The following NCOR2 variants were observed in gnomAD, a reference collection of about 807,000 sequenced individuals.
NCOR2 encodes CTG repeat protein 26.
Under a neutral mutation model 262.9 loss-of-function variants are expected in NCOR2, and 81 were observed. The ratio of observed to expected loss-of-function variants is 0.31; its 90% CI spans 0.26 to 0.37. NCOR2 has a LOEUF of 0.37. Ranked by LOEUF, NCOR2 falls within the 10% of genes least tolerant of loss-of-function variation. The pLI is 1.00. For missense variants in NCOR2, 3,385 were observed against 3,621.4 expected (o/e 0.93, Z 1.68); for synonymous variants, 1,659 against 1,559.3 (o/e 1.06, Z -1.51).
intron 27 of NCOR2, among the ~76,000 whole-genome samples, chr12:124,352,184 G>C (rs1000829000): frequency 6.6e-6 from 1 of 152,180 alleles, no homozygotes; most frequent in African/African-American, 2.4e-5. Flanking sequence ...GGAAAGCACA[G>C]GATTCCTGCA....
At position 124,343,230 on chromosome 12, in the gene NCOR2, T is replaced by C; in HGVS notation, c.4715-4A>G. ...GCCTTGCTGGACGAAAGGCTGCCTG[T>C]GGACGGGCAAGGTGGATGCATCGGG... On this transcript the variant is annotated splice_region_variant and splice_polypyrimidine_tract_variant and intron_variant, in intron 32 of 46. Transcript: ENST00000405201. 6.2e-7 allele frequency: 1 copy of C among 1,607,694 alleles called. No individual in the cohort carries two copies. The highest frequency in any genetic ancestry group is 8.5e-7 in the Non-Finnish European group (1 of 1,176,272).
chr12:124,417,059 C>CTTACTCCACGGAGAGCAGGCCGGACAG, intron 13 of NCOR2, among the ~76,000 whole-genome samples: 1 of 53,928 alleles, frequency 1.9e-5, no homozygotes, highest in African/African-American at 4.3e-5. Context: ...AAGCCGGACA[C>CTTACTCCACGGAGAGCAGGCCGGACAG]TCACTCCACG....
At chr12:124,387,181 C>T (rs1440936801) in intron 16 of NCOR2, among the ~76,000 whole-genome samples, 1 of 152,228 alleles carries the variant, frequency 6.6e-6, no homozygotes, top group Non-Finnish European at 1.5e-5. Flanking sequence ...GAGGGGCAGC[C>T]GTCTGTGTTG....
Position 124,504,831 on chromosome 12 carries a change from C to T in NCOR2, c.-117-9463G>A, listed in dbSNP as rs1419390393. Among the ~76,000 whole-genome samples, 3 of 152,118 alleles carry T rather than the reference C, an allele frequency of 2.0e-5. No homozygotes were observed. The highest frequency in any genetic ancestry group is 4.4e-5 in the Non-Finnish European group (3 of 68,032). On this transcript the variant is annotated intron_variant, in intron 1 of 46. Coordinates refer to the NCOR2 transcript ENST00000404621. The surrounding 1 kb of genome is among the most constrained non-coding windows in gnomAD (Gnocchi z 4.5). ...TTAACTTCACAGGAGGGGCAGATTC[C>T]CAGGACAGAACAAAGGCCCGAGGCT...
chr12:124,346,480 C>T, intron 31 of NCOR2, 84 bp downstream of exon 33: 1 of 1,355,692 alleles, frequency 7.4e-7, no homozygotes. Flanking sequence ...TCGGTTTCCC[C>T]ATGTGGAGAG....
chr12:124,361,450 T>A (rs187965181), intron 22 of NCOR2, among the ~76,000 whole-genome samples: 19 of 152,302 alleles, frequency 1.2e-4, no homozygotes, highest in African/African-American at 4.3e-4. Context: ...GGGCAGAGAT[T>A]GAAGATCCAG....
chr12:124,433,906 A>ACACACG (rs1565940641), intron 8 of NCOR2, among the ~76,000 whole-genome samples: 3 of 145,100 alleles, frequency 2.1e-5, no homozygotes, highest in Admixed American at 1.3e-4. Context: ...ACACGCACAC[A>ACACACG]CACACACAGG....
At chr12:124,338,539 A>G (rs1003545762) in intron 37 of NCOR2, among the ~76,000 whole-genome samples, 3 of 148,604 alleles carry the variant, frequency 2.0e-5, no homozygotes, top group Non-Finnish European at 4.4e-5. Flanking sequence ...CCGGGCAGGG[A>G]AGGGTGTTGA....
chr12:124,498,699 C>G (rs1293430011), upstream of NCOR2, among the ~76,000 whole-genome samples: 5 of 152,228 alleles, frequency 3.3e-5, no homozygotes, highest in Non-Finnish European at 5.9e-5. Flanking sequence ...AACAGGGACT[C>G]AAACAAAACA....
intron 1 of NCOR2, among the ~76,000 whole-genome samples, chr12:124,507,665 C>G (rs2049125360): frequency 6.6e-6 from 1 of 152,280 alleles, no homozygotes; most frequent in African/African-American, 2.4e-5. Context: ...GCCTCCAACC[C>G]AGGTGGCCTC....
chr12:124,526,561 T>C (rs1469142705), intron 1 of NCOR2, among the ~76,000 whole-genome samples: 1 of 152,136 alleles, frequency 6.6e-6, no homozygotes, highest in African/African-American at 2.4e-5. Context: ...AGGACAAGAC[T>C]GCCCCCAGCC....
chr12:124,561,533 C>T (rs961104891), intron 1 of NCOR2, among the ~76,000 whole-genome samples: 1 of 152,026 alleles, frequency 6.6e-6, no homozygotes, highest in Non-Finnish European at 1.5e-5. Flanking sequence ...TATTGGACAG[C>T]GCTACCCCAG....
intron 1 of NCOR2, among the ~76,000 whole-genome samples, chr12:124,519,336 A>G (rs2050043506): frequency 6.6e-6 from 1 of 152,148 alleles, no homozygotes; most frequent in African/African-American, 2.4e-5. Context: ...GAGGCAGAGG[A>G]GGCTCCACCA....
At chr12:124,351,345 C>T (rs1377519189) in intron 27 of NCOR2, among the ~76,000 whole-genome samples, 2 of 151,886 alleles carry the variant, frequency 1.3e-5, no homozygotes, top group Admixed American at 1.3e-4. Flanking sequence ...TTTTCCACCT[C>T]GGCCCTCCTG....
intron 13 of NCOR2, among the ~76,000 whole-genome samples, chr12:124,407,688 A>G (rs1415794244): frequency 6.6e-6 from 1 of 152,264 alleles, no homozygotes; most frequent in East Asian, 1.9e-4. Flanking sequence ...TAATTCTCAG[A>G]TGCTAAGTCC....
chr12:124,479,359 A>ACATG (rs2047287682), intron 3 of NCOR2, among the ~76,000 whole-genome samples: 1 of 151,880 alleles, frequency 6.6e-6, no homozygotes, highest in Non-Finnish European at 1.5e-5. Flanking sequence ...CACGTGCAAC[A>ACATG]CATGCACACT....
exon 35 of NCOR2, chr12:124,340,680 C>T (rs762145134): frequency 1.4e-5 from 22 of 1,521,724 alleles, no homozygotes; most frequent in Admixed American, 2.3e-5. Flanking sequence ...CGGTCCATGG[C>T]GGTGGCTGGG....
chr12:124,487,098 G>A (rs866697681), intron 1 of NCOR2, among the ~76,000 whole-genome samples: 6 of 152,210 alleles, frequency 3.9e-5, no homozygotes, highest in African/African-American at 7.2e-5. Context: ...AGGTGCATAC[G>A]GGGCAGCATT....
At chr12:124,543,415 C>G (rs560268365) in intron 1 of NCOR2, among the ~76,000 whole-genome samples, 350 of 152,358 alleles carry the variant, frequency 2.3e-3, no homozygotes, top group Non-Finnish European at 4.1e-3. Flanking sequence ...TGTCCGGACC[C>G]TGTTTCAGGG....
Sources: allele counts gnomAD v4.1 joint callset (sites outside exome capture counted in the v4.1 genomes callset), GRCh38; gene constraint gnomAD v4.1.1; non-coding constraint Gnocchi (gnomAD v3.1); transcripts MANE v1.5; gene names NCBI Gene and HGNC (gene_info 2026-07-23, HGNC 2026-07-21).